The following LMF1 variants were observed in gnomAD, a reference collection of about 807,000 sequenced individuals.
LMF1 encodes the protein transmembrane protein 112.
In LMF1, 68 loss-of-function variants were observed where a neutral mutation model predicts 60.6. The observed-to-expected ratio is 1.12, with a 90% confidence interval of 0.92 to 1.37. LMF1 has a LOEUF of 1.37. Ranked by LOEUF, LMF1 falls within the 40% of genes most tolerant of loss-of-function variation. The pLI, the probability that LMF1 is intolerant of heterozygous loss-of-function variation, is 0.00. For missense variants in LMF1, 948 were observed against 767.2 expected (o/e 1.24, Z -2.78); for synonymous variants, 418 against 324.7 (o/e 1.29, Z -3.09).
intron 4 of LMF1, among the ~76,000 whole-genome samples, chr16:898,166 G>A (rs755031727): frequency 2.6e-5 from 4 of 152,340 alleles, no homozygotes; most frequent in East Asian, 1.9e-4. Flanking sequence ...CCTCAGACAC[G>A]CAGCTGACTG....
intron 3 of LMF1, chr16:933,879 C>T (rs1445848770): frequency 4.7e-6 from 5 of 1,059,762 alleles, no homozygotes; most frequent in South Asian, 1.6e-5. Flanking sequence ...GCGTGAGTGC[C>T]GTGAGCACCG....
intron 10 of LMF1, among the ~76,000 whole-genome samples, chr16:867,909 C>T (rs1029312037): frequency 7.2e-5 from 11 of 152,144 alleles, no homozygotes; most frequent in Admixed American, 2.0e-4. Context: ...CTCCCATCCC[C>T]GCCCTCCGGC....
In LMF1 at chr16:897,708, G is replaced by C. The variant is rs893009389; in HGVS notation, c.664-4636C>G. 5.3e-5 allele frequency among the ~76,000 whole-genome samples: 8 copies of C among 152,274 alleles called. No homozygotes were observed. The highest frequency in any genetic ancestry group is 1.9e-4 in the African/African-American group (8 of 41,548). On this transcript the variant is annotated intron_variant, in intron 4 of 10. Coordinates refer to ENST00000262301, the MANE Select transcript of LMF1 (RefSeq NM_022773.4). This position sits in a 1 kb window ranked among gnomAD's most constrained non-coding sequence, Gnocchi z 4.3. ...GTGTCTCAGGGTGAAGGGACCGCTGGTGGGCTCCGTGGGCAGAGGCACTAT... is the reference window on the plus strand; with the variant it reads ...GTGTCTCAGGGTGAAGGGACCGCTGCTGGGCTCCGTGGGCAGAGGCACTAT...
At chr16:923,827 C>T (rs72759463) in intron 3 of LMF1, among the ~76,000 whole-genome samples, 2,310 of 152,180 alleles carry the variant, frequency 0.015, 31 homozygotes, top group African/African-American at 0.035. Flanking sequence ...AGGTCCTGAG[C>T]GGAAATCTTC....
rs546001722 is a variant in LMF1, at chr16:883,868, C to G, written c.730-4131G>C. ...TGATTGACAAATAATCAAATTGTCA[C>G]AAACTGCCTATAAATGTTAATTAGA... On this transcript the variant is annotated intron_variant, in intron 5 of 10. Coordinates refer to ENST00000262301, the MANE Select transcript of LMF1 (RefSeq NM_022773.4). The G allele has an allele frequency of 2.6e-5, 4 of 152,292 alleles. No individual in the cohort carries two copies. The East Asian group carries it at 7.7e-4, about 29-fold the overall frequency. The allele number at this position is 152,292 out of a possible 1,614,324, so 9.4% of individuals were successfully genotyped here. A position where few individuals can be genotyped will look rare whatever the true frequency, so the allele number is the denominator to read the frequency against.
chr16:907,559 C>G (rs1470497044), intron 4 of LMF1, among the ~76,000 whole-genome samples: 2 of 152,076 alleles, frequency 1.3e-5, no homozygotes, highest in African/African-American at 4.8e-5. Context: ...TGAGATGGCT[C>G]TGAGGAACCC....
intron 1 of LMF1, chr16:976,684 C>T (rs779359610): frequency 1.1e-4 from 50 of 454,002 alleles, no homozygotes; most frequent in Admixed American, 7.0e-5. Flanking sequence ...TAGGCCCAGC[C>T]AGAAGCTTGG....
At chr16:859,192 C>T (rs868400678) in intron 10 of LMF1, among the ~76,000 whole-genome samples, 153 of 73,360 alleles carry the variant, frequency 2.1e-3, no homozygotes, top group South Asian at 8.1e-3. Context: ...TGTCTCGGGA[C>T]GGGTGTGAGT....
At chr16:868,705 C>G (rs540725755) in intron 10 of LMF1, among the ~76,000 whole-genome samples, 1 of 131,912 alleles carries the variant, frequency 7.6e-6, no homozygotes, top group Non-Finnish European at 1.6e-5. Context: ...CCTCTCACCA[C>G]GGCTGGTTTG....
At chr16:948,110 C>A (rs1597052120) in intron 2 of LMF1, among the ~76,000 whole-genome samples, 6 of 135,114 alleles carry the variant, frequency 4.4e-5, no homozygotes, top group South Asian at 2.4e-4. Context: ...ACAGAGTCAG[C>A]CAACGACAGT....
chr16:948,671 GAGACAATGACAGAGTC>G, intron 2 of LMF1, among the ~76,000 whole-genome samples: 1 of 150,156 alleles, frequency 6.7e-6, no homozygotes, highest in South Asian at 2.1e-4. Context: ...GACAGAATCA[GAGACAATGACAGAGTC>G]AGCCAACGAC....
chr16:925,043 G>C (rs2071555759), intron 3 of LMF1, among the ~76,000 whole-genome samples: 2 of 152,192 alleles, frequency 1.3e-5, no homozygotes. Context: ...GCAGAGTGCT[G>C]GGTGCGAGTC....
chr16:933,798 C>T (rs1004321935), intron 3 of LMF1: 1 of 433,276 alleles, frequency 2.3e-6, no homozygotes, highest in Admixed American at 3.7e-5. Context: ...CCAGTATTGA[C>T]TGCGTTGTGT....
chr16:941,330 C>T (rs148599796), intron 2 of LMF1, among the ~76,000 whole-genome samples: 1,980 of 152,232 alleles, frequency 0.013, 22 homozygotes, highest in East Asian at 0.025. Flanking sequence ...GTGACTCTCC[C>T]TGCCTCAGCC....
chr16:863,451 A>T (rs1381413757), intron 10 of LMF1, among the ~76,000 whole-genome samples: 1 of 151,310 alleles, frequency 6.6e-6, no homozygotes, highest in East Asian at 1.9e-4. Flanking sequence ...CTCTTTTTTC[A>T]TCTTTGATAT....
Position 979,433 on chromosome 16 carries a change from C to T in LMF1, c.-135+1712G>A, listed in dbSNP as rs28612350. The T allele has an allele frequency of 1.6e-3, 581 of 352,664 alleles. 2 individuals carry two copies. The highest frequency in any genetic ancestry group is 0.011 in the African/African-American group (518 of 46,648). The allele number at this position is 352,664 out of a possible 1,614,324, so 21.8% of individuals were successfully genotyped here. A position where few individuals can be genotyped will look rare whatever the true frequency, so the allele number is the denominator to read the frequency against. On this transcript the variant is annotated intron_variant, in intron 1 of 6. Coordinates refer to the LMF1 transcript ENST00000570014. Reference sequence around the variant, plus strand: ...CCCACCCCTCCTGTGGCAGCCTGCACGCCCAGCACCTCCCCTGGTGATCAC... The same window carrying T: ...CCCACCCCTCCTGTGGCAGCCTGCATGCCCAGCACCTCCCCTGGTGATCAC...
intron 5 of LMF1, among the ~76,000 whole-genome samples, chr16:882,790 C>T (rs561534399): frequency 1.6e-4 from 24 of 150,044 alleles, no homozygotes; most frequent in African/African-American, 5.7e-4. Flanking sequence ...ATCGCAGGAC[C>T]AGGAGAAGGA....
At chr16:861,112 C>T (rs928683178) in intron 10 of LMF1, among the ~76,000 whole-genome samples, 12 of 152,204 alleles carry the variant, frequency 7.9e-5, no homozygotes, top group African/African-American at 1.7e-4. Flanking sequence ...CGAACGCGGC[C>T]GTGTCTCTAG....
intron 10 of LMF1, among the ~76,000 whole-genome samples, chr16:858,706 G>GC (rs200518570): frequency 1.1e-5 from 1 of 89,112 alleles, no homozygotes; most frequent in Non-Finnish European, 2.1e-5. Flanking sequence ...GGACGGGTGT[G>GC]AGTGGTGTCT....
Sources: allele counts gnomAD v4.1 joint callset (sites outside exome capture counted in the v4.1 genomes callset), GRCh38; gene constraint gnomAD v4.1.1; non-coding constraint Gnocchi (gnomAD v3.1); transcripts MANE v1.5; gene names NCBI Gene and HGNC (gene_info 2026-07-23, HGNC 2026-07-21).